The following ROR1 variants were observed in gnomAD, a reference collection of about 807,000 sequenced individuals.
The protein encoded by ROR1 is ROR family WNT receptor 1.
In ROR1, 19 loss-of-function variants were observed where a neutral mutation model predicts 78.8. The ratio of observed to expected loss-of-function variants is 0.24; its 90% CI spans 0.17 to 0.35. The LOEUF (loss-of-function observed/expected upper bound fraction) is 0.35. ROR1 is among the 10% of genes least tolerant of loss of function. ROR1 has a pLI of 1.00. For missense variants in ROR1, 917 were observed against 1,177.8 expected (o/e 0.78, Z 3.24); for synonymous variants, 386 against 433.6 (o/e 0.89, Z 1.36).
intron 4 of ROR1, among the ~76,000 whole-genome samples, chr1:64,075,452 T>G (rs1647041499): frequency 6.6e-6 from 1 of 152,064 alleles, no homozygotes; most frequent in African/African-American, 2.4e-5. Flanking sequence ...TTCATAGGGG[T>G]TTTTTGTTTT....
chr1:63,799,546 A>G (rs1644782831), intron 1 of ROR1, among the ~76,000 whole-genome samples: 1 of 151,632 alleles, frequency 6.6e-6, no homozygotes, highest in Admixed American at 6.6e-5. Flanking sequence ...CTTTTTTCCC[A>G]TTTGTTTATA....
intron 1 of ROR1, among the ~76,000 whole-genome samples, chr1:63,903,889 A>C (rs1231226459): frequency 6.6e-6 from 1 of 152,180 alleles, no homozygotes; most frequent in African/African-American, 2.4e-5. Context: ...TCATGAGACC[A>C]GGGAGAATGA....
chr1:64,061,922 G>T (rs910621181), intron 4 of ROR1, among the ~76,000 whole-genome samples: 1 of 152,060 alleles, frequency 6.6e-6, no homozygotes, highest in Non-Finnish European at 1.5e-5. Context: ...TGTACCCTGA[G>T]GTGTTAATCA....
chr1:64,141,624 C>T (rs1013316709), intron 6 of ROR1, among the ~76,000 whole-genome samples: 1 of 152,118 alleles, frequency 6.6e-6, no homozygotes, highest in Non-Finnish European at 1.5e-5. Flanking sequence ...ATCAGCAGCA[C>T]CACGCAAAAG....
intron 4 of ROR1, among the ~76,000 whole-genome samples, chr1:64,122,569 G>C (rs1044276207): frequency 1.3e-5 from 2 of 152,180 alleles, no homozygotes; most frequent in Non-Finnish European, 2.9e-5. Context: ...CCCCAAGAGT[G>C]GGAGGAGTGG....
intron 4 of ROR1, chr1:64,106,903 T>C (rs765219177): frequency 6.6e-6 from 1 of 152,354 alleles, no homozygotes; most frequent in Non-Finnish European, 1.5e-5. Flanking sequence ...CTCGTTATTC[T>C]GTAAACCTGC....
intron 1 of ROR1, among the ~76,000 whole-genome samples, chr1:63,787,438 T>C (rs1007285548): frequency 2.3e-5 from 3 of 127,810 alleles, no homozygotes; most frequent in African/African-American, 6.0e-5. Flanking sequence ...ATTGCCTTTC[T>C]TTCCTTCCTT....
intron 1 of ROR1, among the ~76,000 whole-genome samples, chr1:63,815,144 T>C (rs1463995203): frequency 6.6e-6 from 1 of 152,212 alleles, no homozygotes; most frequent in Non-Finnish European, 1.5e-5. Context: ...TTGGCTAGCC[T>C]GAGGCTACCT....
intron 4 of ROR1, among the ~76,000 whole-genome samples, chr1:64,128,752 A>G (rs1409297249): frequency 6.6e-6 from 1 of 152,162 alleles, no homozygotes; most frequent in Non-Finnish European, 1.5e-5. Context: ...ATCAATACAG[A>G]GTATGCCTGA....
intron 1 of ROR1, among the ~76,000 whole-genome samples, chr1:63,819,505 T>A (rs1057031110): frequency 9.9e-5 from 15 of 152,272 alleles, no homozygotes; most frequent in African/African-American, 3.6e-4. Context: ...GTTATTATTG[T>A]GAGGGAGATG....
chr1:64,133,553 G>T (rs1048334604), intron 4 of ROR1, among the ~76,000 whole-genome samples: 1 of 152,226 alleles, frequency 6.6e-6, no homozygotes, highest in African/African-American at 2.4e-5. Context: ...GAATATGGCA[G>T]GTTGTAGAGG....
intron 1 of ROR1, among the ~76,000 whole-genome samples, chr1:63,905,027 G>A (rs1166661766): frequency 6.6e-6 from 1 of 152,082 alleles, no homozygotes; most frequent in African/African-American, 2.4e-5. Flanking sequence ...CCTTCCTGTT[G>A]TTAAGAGCCT....
intron 1 of ROR1, among the ~76,000 whole-genome samples, chr1:63,868,943 C>CT (rs1433941795): frequency 6.6e-6 from 1 of 152,200 alleles, no homozygotes; most frequent in Non-Finnish European, 1.5e-5. Context: ...TGTGAGATTA[C>CT]TTAAGCCTTA....
intron 1 of ROR1, among the ~76,000 whole-genome samples, chr1:63,877,696 G>T (rs984892530): frequency 6.6e-6 from 1 of 151,932 alleles, no homozygotes; most frequent in Non-Finnish European, 1.5e-5. Flanking sequence ...CTTTATTAGA[G>T]AAAATTTAAG....
At chr1:63,859,797 G>T (rs1220694735) in intron 1 of ROR1, among the ~76,000 whole-genome samples, 1 of 152,194 alleles carries the variant, frequency 6.6e-6, no homozygotes. Flanking sequence ...TTGAATCCCA[G>T]CTGTGTTGTG....
intron 1 of ROR1, among the ~76,000 whole-genome samples, chr1:63,948,325 T>G (rs542187094): frequency 6.6e-6 from 1 of 151,792 alleles, no homozygotes; most frequent in Non-Finnish European, 1.5e-5. Context: ...TAATAGAGGT[T>G]TGTGGTCCAA....
intron 1 of ROR1, among the ~76,000 whole-genome samples, chr1:63,888,628 A>T (rs1439127029): frequency 6.6e-6 from 1 of 152,048 alleles, no homozygotes; most frequent in Non-Finnish European, 1.5e-5. Context: ...GTCTCCAAAA[A>T]ACAAAAAAAG....
chr1:63,911,886 C>T (rs960956865), intron 1 of ROR1, among the ~76,000 whole-genome samples: 20 of 152,076 alleles, frequency 1.3e-4, no homozygotes, highest in African/African-American at 4.8e-4. Context: ...AGGCTTTGGC[C>T]GTGAAAATGA....
intron 1 of ROR1, among the ~76,000 whole-genome samples, chr1:63,870,100 T>C (rs985730301): frequency 2.0e-5 from 3 of 152,188 alleles, no homozygotes; most frequent in Non-Finnish European, 2.9e-5. Flanking sequence ...TTTAATATAT[T>C]TGTGTGTTCA....
Sources: gnomAD v4.1 joint callset for allele counts (sites outside exome capture counted in the v4.1 genomes callset) on GRCh38, gnomAD v4.1.1 for gene constraint, MANE v1.5 for transcripts, NCBI Gene and HGNC (gene_info 2026-07-23, HGNC 2026-07-21) for gene names.